Variants in PRKDC observed in about 807,000 individuals in gnomAD.
PRKDC encodes the protein protein kinase, DNA-activated, catalytic subunit.
In PRKDC, 82 loss-of-function variants were observed where a neutral mutation model predicts 486.9. The observed-to-expected ratio is 0.17, with a 90% CI of 0.14 to 0.20. The LOEUF (loss-of-function observed/expected upper bound fraction) is 0.20. Ranked by LOEUF, PRKDC falls within the 10% of genes least tolerant of loss-of-function variation. The pLI is 1.00. For synonymous variants in PRKDC, 1,895 were observed against 1,837.0 expected (o/e 1.03, Z -0.81); for missense variants, 4,504 against 5,038.2 (o/e 0.89, Z 3.21).
At chr8:47,794,139 AG>A in intron 74 of PRKDC, 150 bp downstream of exon 74, 2 of 651,030 alleles carry the variant, frequency 3.1e-6, no homozygotes, top group South Asian at 2.0e-5. Flanking sequence ...TACCCAGAAT[AG>A]ATATATTCAA....
intron 63 of PRKDC, among the ~76,000 whole-genome samples, chr8:47,825,553 G>C (rs1020151608): frequency 7.2e-6 from 1 of 139,364 alleles, no homozygotes; most frequent in Non-Finnish European, 1.5e-5. Context: ...TGTTCACAAT[G>C]CTCTGCAAGG....
chr8:47,886,007 T>C lies in PRKDC; in HGVS notation c.4713A>G (p.Leu1571=). Residue 1571 remains leucine, a synonymous_variant, in exon 36 of 86, where the codon TTA becomes TTG. Transcript: ENST00000314191. ...ATACAGCAAGATCCAGATTTTTCAA[T>C]AATTCCGTGTTGATCGTTTCTGAGA... ...SLFSETINTE[L]LKNLDLAVLE... 2 of 1,613,918 alleles carry C rather than the reference T, an allele frequency of 1.2e-6. No homozygotes were observed.
chr8:47,893,082 T>C (rs2089496977), intron 31 of PRKDC, 57 bp downstream of exon 31: 1 of 1,478,578 alleles, frequency 6.8e-7, no homozygotes, highest in Non-Finnish European at 9.0e-7. Flanking sequence ...GCAGAGCCAC[T>C]GCCCAGGGTG....
chr8:47,934,845 A>G (rs2090321098), intron 14 of PRKDC, among the ~76,000 whole-genome samples, 164 bp downstream of exon 14: 2 of 152,252 alleles, frequency 1.3e-5, no homozygotes, highest in South Asian at 4.1e-4. Flanking sequence ...TTCACCTAAC[A>G]AAATATAGAG....
chr8:47,781,594 A>G (rs944584064), intron 80 of PRKDC, among the ~76,000 whole-genome samples: 2 of 152,218 alleles, frequency 1.3e-5, no homozygotes, highest in African/African-American at 4.8e-5. Flanking sequence ...CAAAAAGGAA[A>G]TAAAAAAAAC....
chr8:47,949,626 A>C (rs779805260), intron 7 of PRKDC, among the ~76,000 whole-genome samples: 2 of 152,208 alleles, frequency 1.3e-5, no homozygotes, highest in Non-Finnish European at 2.9e-5. Context: ...CAAACTTAAA[A>C]TATGACCGTA....
At chr8:47,847,283 G>A (rs1404086531) in intron 54 of PRKDC, among the ~76,000 whole-genome samples, 1 of 151,854 alleles carries the variant, frequency 6.6e-6, no homozygotes, top group Non-Finnish European at 1.5e-5. Context: ...TACTGGTCGG[G>A]GGAAAAAACA....
rs1023352942 is a variant in PRKDC, at chr8:47,859,537, C to T, written c.6207+74G>A. ...ACAGAGAACTGGCTTCCTGTAGTAA[C>T]AGCAAGGCATAGCTGTGACCCCCTT... On this transcript the variant is annotated intron_variant, in intron 46 of 85. Coordinates refer to ENST00000314191, the MANE Select transcript of PRKDC (RefSeq NM_006904.7). 14 of 1,513,526 alleles carry T rather than the reference C, an allele frequency of 9.2e-6. No homozygotes were observed. In the African/African-American group the frequency reaches 1.8e-4, roughly 19 times the overall value. 93.8% of individuals were successfully genotyped at this position (1,513,526 alleles called of 1,614,324 possible).
chr8:47,959,823 TTA>T, intron 1 of PRKDC, 148 bp downstream of exon 1: 1 of 1,366,140 alleles, frequency 7.3e-7, no homozygotes, highest in South Asian at 1.5e-5. Flanking sequence ...ACAAATCCCT[TTA>T]TACACATACA....
chr8:47,905,004 T>C, intron 25 of PRKDC, 28 bp from the exon 26 acceptor site: 2 of 1,491,426 alleles, frequency 1.3e-6, no homozygotes, highest in East Asian at 2.3e-5. Flanking sequence ...TTAAAGTTAA[T>C]TCCCTTCATG....
At chr8:47,809,936 C>T (rs2087295406) in intron 68 of PRKDC, among the ~76,000 whole-genome samples, 1 of 152,156 alleles carries the variant, frequency 6.6e-6, no homozygotes, top group Non-Finnish European at 1.5e-5. Flanking sequence ...CTGCTGCATT[C>T]TACCCAGGGG....
chr8:47,787,338 T>G (rs1156595496), intron 76 of PRKDC, among the ~76,000 whole-genome samples: 1 of 152,226 alleles, frequency 6.6e-6, no homozygotes, highest in Admixed American at 6.5e-5. Context: ...ATTTCTTCTT[T>G]GATCTGTAAG....
rs8178184 is a variant in PRKDC, at chr8:47,831,406, C to T, written c.8265+408G>A. Reference sequence around the variant, plus strand: ...CCATTTCTAGGCGGAATGGACGCCGCGGCTACGGAGTCTCCACGCCACGGG... The same window carrying T: ...CCATTTCTAGGCGGAATGGACGCCGTGGCTACGGAGTCTCCACGCCACGGG... On this transcript the variant is annotated intron_variant, in intron 60 of 85. Coordinates refer to ENST00000314191, the MANE Select transcript of PRKDC (RefSeq NM_006904.7). Among the ~76,000 whole-genome samples the T allele has an allele frequency of 6.5e-3, 988 of 152,346 alleles. 13 individuals are homozygous for T. The highest frequency in any genetic ancestry group is 0.023 in the African/African-American group (957 of 41,590).
Position 47,774,329 on chromosome 8 carries a change from A to G in PRKDC, c.12231T>C (p.Tyr4077=), listed in dbSNP as rs745966198. The G allele has an allele frequency of 1.9e-6, 3 of 1,613,488 alleles. No individual in the cohort carries two copies. Among genetic ancestry groups the G allele is most frequent in the African/African-American group, 2.7e-5 (2 of 74,912 alleles). The change falls in exon 86 of 86, where the codon TAT becomes TAC. Residue 4077 remains tyrosine (Y), a synonymous_variant. Transcript: ENST00000314191. ...GHEKAPAFRD[Y]VAVARGSKDH... Reference sequence around the variant, plus strand: ...CTTTGCTTCCTCGTGCCACAGCCACATAGTCTCTGAAGGCAGGGGCCTTCT... The same window carrying G: ...CTTTGCTTCCTCGTGCCACAGCCACGTAGTCTCTGAAGGCAGGGGCCTTCT...
Position 47,929,116 on chromosome 8 carries a change from A to G in PRKDC, c.2115T>C (p.Ala705=). 1.9e-6 allele frequency: 3 copies of G among 1,572,998 alleles called. No homozygotes were observed. Among genetic ancestry groups the G allele is most frequent in the Non-Finnish European group, 2.6e-6 (3 of 1,156,850 alleles). ...CCTCTTTGCCAAATTTCACAAATAA[A>G]GCAAAGCAAGAATACTTTTCTGGGT... The part of the protein sequence containing the change: ...PEDPEKYSCF[A]LFVKFGKEVA... The change falls in exon 19 of 86, where the codon GCT becomes GCC. Residue 705 remains alanine, a synonymous_variant. Transcript: ENST00000314191.
intron 84 of PRKDC, among the ~76,000 whole-genome samples, 170 bp downstream of exon 84, chr8:47,777,516 T>TTA (rs1485672139): frequency 6.6e-6 from 1 of 152,178 alleles, no homozygotes; most frequent in Non-Finnish European, 1.5e-5. Flanking sequence ...GCCTCTTAAC[T>TTA]GGTTTTCAAG....
At chr8:47,870,958 G>C (rs1217674032) in intron 40 of PRKDC, among the ~76,000 whole-genome samples, 1 of 152,168 alleles carries the variant, frequency 6.6e-6, no homozygotes, top group Non-Finnish European at 1.5e-5. Context: ...ATGCACTGGA[G>C]TCTCTTAAAA....
intron 21 of PRKDC, among the ~76,000 whole-genome samples, chr8:47,920,918 A>G (rs1244372504): frequency 6.6e-6 from 1 of 152,180 alleles, no homozygotes. Context: ...ATCTCCAGAA[A>G]TTTTTCAACA....
In PRKDC at chr8:47,807,270, C is replaced by T; in HGVS notation, c.9614G>A (p.Ser3205Asn). ...EKLTPLPEDN[S>N]MNVDQDGDPS... is the part of the protein sequence containing the mutation. ...GTCTCCATCTTGATCCACATTCATA[C>T]TATTATCTTCTGGAAGAGGGGTAAG... The change falls in exon 69 of 86, where the codon AGT becomes AAT. Residue 3205 changes from serine (S) to asparagine (N), a missense_variant. Physicochemically the swap from Ser to Asn is conservative, Grantham distance 46 (BLOSUM62 1). This residue lies in a region of PRKDC where 1,592 missense variants were observed against 1,724.6 expected (regional missense o/e 0.92). Transcript: ENST00000314191. The T allele has an allele frequency of 6.2e-7, 1 of 1,610,872 alleles. No individual in the cohort carries two copies. Among genetic ancestry groups the T allele is most frequent in the East Asian group, 2.2e-5 (1 of 44,770 alleles).
Sources: gnomAD v4.1 joint callset for allele counts (sites outside exome capture counted in the v4.1 genomes callset) on GRCh38, gnomAD v4.1.1 for gene constraint, gnomAD v4.1.1 regional missense constraint, MANE v1.5 for transcripts, NCBI Gene and HGNC (gene_info 2026-07-23, HGNC 2026-07-21) for gene names.